The following FARP1 variants were observed in gnomAD, a reference collection of about 807,000 sequenced individuals.
FARP1 encodes FERM, ARHGEF and pleckstrin domain-containing protein 1.
A neutral mutation model predicts 128.8 loss-of-function variants in FARP1; 52 were observed. That is an observed-to-expected ratio of 0.40 (90% CI 0.32 to 0.51). The LOEUF is 0.51. Ranked by LOEUF, FARP1 falls within the 20% of genes least tolerant of loss-of-function variation. The probability of loss-of-function intolerance (pLI) is 0.45; values close to 1 mark genes in which losing one functional copy is unlikely to be tolerated. For missense variants in FARP1, 1,333 were observed against 1,367.9 expected, an observed-to-expected ratio of 0.97 and a Z score of 0.40; for synonymous variants, 580 against 551.8, an observed-to-expected ratio of 1.05 and a Z score of -0.72.
chr13:98,359,523 C>T (rs1168026265), intron 3 of FARP1, among the ~76,000 whole-genome samples: 2 of 152,194 alleles, frequency 1.3e-5, no homozygotes, highest in South Asian at 2.1e-4. Context: ...GCCTTTGATA[C>T]GTTGGCCTTA....
intron 2 of FARP1, among the ~76,000 whole-genome samples, chr13:98,275,537 C>A (rs11620245): frequency 2.6e-5 from 4 of 151,284 alleles, no homozygotes; most frequent in African/African-American, 9.7e-5. Context: ...ATCTGACAAG[C>A]TTCTAGGGAG....
rs1203870727 is a variant in FARP1, at chr13:98,345,705, A to G, written c.276+1839A>G. The G allele has an allele frequency of 2.0e-5, 3 of 151,370 alleles. No individual in the cohort carries two copies. In the East Asian group the frequency reaches 5.8e-4, roughly 29 times the overall value. 9.4% of individuals were successfully genotyped at this position (151,370 alleles called of 1,614,324 possible). On this transcript the variant is annotated intron_variant, in intron 3 of 26. Coordinates refer to ENST00000319562, the MANE Select transcript of FARP1 (RefSeq NM_005766.4). ...AGTCCCTATGGGTACAGCAGCACGCATGACCCACGTTCTACAGCAGGGGTC... is the reference window on the plus strand; with the variant it reads ...AGTCCCTATGGGTACAGCAGCACGCGTGACCCACGTTCTACAGCAGGGGTC...
intron 1 of FARP1, among the ~76,000 whole-genome samples, chr13:98,152,234 G>T (rs1243670294): frequency 6.6e-6 from 1 of 152,134 alleles, no homozygotes; most frequent in African/African-American, 2.4e-5. Context: ...TGGTTAATTA[G>T]ACTGCTGCAG....
intron 1 of FARP1, among the ~76,000 whole-genome samples, chr13:98,163,148 A>C (rs1877003027): frequency 6.6e-6 from 1 of 152,240 alleles, no homozygotes; most frequent in South Asian, 2.1e-4. Context: ...ACCATAAAAA[A>C]GAACAAAATC....
At chr13:98,224,819 T>G (rs1169605767) in intron 2 of FARP1, among the ~76,000 whole-genome samples, 2 of 152,158 alleles carry the variant, frequency 1.3e-5, no homozygotes, top group Admixed American at 6.5e-5. Context: ...ATGAAGGCTG[T>G]GAGGCGTGGG....
intron 2 of FARP1, among the ~76,000 whole-genome samples, chr13:98,343,481 C>G (rs1404097236): frequency 6.6e-6 from 1 of 152,102 alleles, no homozygotes; most frequent in Non-Finnish European, 1.5e-5. Flanking sequence ...TAAAACTACT[C>G]TAAAAAAATA....
chr13:98,407,801 A>G (rs940612615), intron 13 of FARP1, among the ~76,000 whole-genome samples: 10 of 152,112 alleles, frequency 6.6e-5, no homozygotes, highest in African/African-American at 1.9e-4. Flanking sequence ...CCTGGCACCA[A>G]GGGTGGGGGC....
chr13:98,190,590 TCTCG>T (rs745369252), intron 1 of FARP1, among the ~76,000 whole-genome samples: 61 of 152,258 alleles, frequency 4.0e-4, no homozygotes, highest in Admixed American at 1.0e-3. Context: ...AGAAACAGGG[TCTCG>T]CTCTGTTACT....
At chr13:98,299,218 A>AAAACT (rs1885822997) in intron 2 of FARP1, among the ~76,000 whole-genome samples, 1 of 152,270 alleles carries the variant, frequency 6.6e-6, no homozygotes, top group Non-Finnish European at 1.5e-5. Context: ...AGAAGTAACC[A>AAAACT]TTGTTACAAA....
intron 1 of FARP1, among the ~76,000 whole-genome samples, chr13:98,161,571 T>A (rs1321490137): frequency 6.6e-6 from 1 of 152,108 alleles, no homozygotes; most frequent in East Asian, 1.9e-4. Context: ...TTGAGGTCAT[T>A]TCCTGTTGAC....
rs35605642 is a variant in FARP1 at position 98,369,353 on chromosome 13, CTTTT to C, written c.398+1173_398+1176del. Among the ~76,000 whole-genome samples the C allele has an allele frequency of 1.4e-3, 191 of 139,112 alleles. 1 individual carries two copies. The highest frequency in any genetic ancestry group is 7.5e-4 in the African/African-American group (28 of 37,274). 91.3% of individuals were successfully genotyped at this position (139,112 alleles called of 152,430 possible). On this transcript the variant is annotated intron_variant, in intron 5 of 26. Transcript: ENST00000319562. ...GGACACTAATCTAACCAGCCTAATT[CTTTT>C]TTTTTTTTTTTTTTATCATTATTAT...
intron 3 of FARP1, among the ~76,000 whole-genome samples, chr13:98,350,576 T>G (rs1353942460): frequency 6.6e-6 from 1 of 152,164 alleles, no homozygotes; most frequent in Non-Finnish European, 1.5e-5. Context: ...GTTTCTGGAC[T>G]TGCATCTACC....
chr13:98,375,348 A>G lies in FARP1; in HGVS notation c.399-2473A>G, dbSNP rs552608335. Among the ~76,000 whole-genome samples, 8 of 152,256 alleles carry G rather than the reference A, an allele frequency of 5.3e-5. No homozygotes were observed. In the East Asian group the frequency reaches 9.7e-4, roughly 18 times the overall value. On this transcript the variant is annotated intron_variant, in intron 5 of 26. Transcript: ENST00000319562. ...TGTGGAATGAGGATTTTCTAATTCT[A>G]TTATTCTTGCTATGTTATAAATTGG...
rs542979807 is a variant in FARP1 at position 98,437,586 on chromosome 13, A to G, written c.2275-1218A>G. On this transcript the variant is annotated intron_variant, in intron 19 of 26. Transcript: ENST00000319562. ...GCCCAGGAGGGCTTCGTGCAGGGTG[A>G]TAACGCCGCGGTTGCAGCGAACTCA... 4.6e-5 allele frequency among the ~76,000 whole-genome samples: 7 copies of G among 152,152 alleles called. 1 individual carries two copies. The highest frequency in any genetic ancestry group is 1.4e-4 in the African/African-American group (6 of 41,392).
At chr13:98,273,271 A>G (rs1433009953) in intron 2 of FARP1, among the ~76,000 whole-genome samples, 1 of 152,212 alleles carries the variant, frequency 6.6e-6, no homozygotes, top group East Asian at 1.9e-4. Flanking sequence ...GACGTCTGTT[A>G]ACCAAGATAC....
intron 24 of FARP1, among the ~76,000 whole-genome samples, chr13:98,441,974 G>C (rs1428730541): frequency 6.6e-6 from 1 of 151,990 alleles, no homozygotes; most frequent in Non-Finnish European, 1.5e-5. Context: ...CCATAGCTGT[G>C]TTTCAGAACA....
At chr13:98,350,104 G>A (rs1888350645) in intron 3 of FARP1, among the ~76,000 whole-genome samples, 1 of 152,116 alleles carries the variant, frequency 6.6e-6, no homozygotes, top group Non-Finnish European at 1.5e-5. Context: ...GCAGAGGTGA[G>A]GTTGTACAGC....
At chr13:98,370,804 T>G (rs1196408865) in intron 5 of FARP1, among the ~76,000 whole-genome samples, 1 of 152,178 alleles carries the variant, frequency 6.6e-6, no homozygotes, top group East Asian at 1.9e-4. Context: ...TGAACGTTTG[T>G]GCTGCTAATC....
chr13:98,221,129 C>T (rs1214562270), intron 2 of FARP1, among the ~76,000 whole-genome samples: 1 of 152,144 alleles, frequency 6.6e-6, no homozygotes, highest in Admixed American at 6.5e-5. Context: ...TGGAGAATAC[C>T]GACCACTTGA....
Sources: gnomAD v4.1 joint callset for allele counts (sites outside exome capture counted in the v4.1 genomes callset) on GRCh38, gnomAD v4.1.1 for gene constraint, MANE v1.5 for transcripts, NCBI Gene and HGNC (gene_info 2026-07-23, HGNC 2026-07-21) for gene names.